The following EPHB6 variants were observed in gnomAD, a reference collection of about 807,000 sequenced individuals.
EPHB6 encodes ephrin type-B receptor 6.
In EPHB6, 51 loss-of-function variants were observed where a neutral mutation model predicts 107.0. The observed-to-expected ratio is 0.48, with a 90% confidence interval of 0.38 to 0.60. The LOEUF is 0.60. Among genes scored for constraint, EPHB6 ranks in the 20% least tolerant of loss-of-function variants. EPHB6 has a pLI of 0.00. For synonymous variants in EPHB6, 553 were observed against 549.0 expected, an observed-to-expected ratio of 1.01 and a Z score of -0.10; for missense variants, 1,141 against 1,355.5, an observed-to-expected ratio of 0.84 and a Z score of 2.48.
rs551710238 is a variant in EPHB6, at chr7:142,870,874, C to T, written c.3039C>T (p.His1013=). The T allele has an allele frequency of 1.9e-6, 3 of 1,613,984 alleles. No individual in the cohort carries two copies. In the Admixed American group the frequency reaches 5.0e-5, roughly 27 times the overall value. Residue 1013 remains histidine, a synonymous_variant, in exon 20 of 20, where the codon CAC becomes CAT. Transcript: ENST00000652003. The stretch of plus-strand genomic sequence containing the variant: ...ACCACATCCAGCTCCTTCAGCAACA[C>T]CTGAGGCAGCAGGGCTCAGTGGAGG... ...LLHHIQLLQQ[H]LRQQGSVEV
rs999522379 is a variant in EPHB6 at position 142,868,391 on chromosome 7, G to A, written c.2038+31G>A. On this transcript the variant is annotated intron_variant, in intron 14 of 19. Transcript: ENST00000652003. This position sits in a 1 kb window ranked among gnomAD's most constrained non-coding sequence, Gnocchi z 4.2. The stretch of plus-strand genomic sequence containing the variant: ...GCAGGGCCAAAGCAGGGATCAGAGC[G>A]ACGGGGCTCCCTTGTGGCCTCCGCT... 53 of 1,613,840 alleles carry A rather than the reference G, an allele frequency of 3.3e-5. No homozygotes were observed. The Admixed American group carries it at 4.3e-4, about 13-fold the overall frequency.
chr7:142,856,448 A>G (rs990644994), intron 1 of EPHB6, among the ~76,000 whole-genome samples: 5 of 152,152 alleles, frequency 3.3e-5, no homozygotes, highest in Admixed American at 2.0e-4. Context: ...TCAGGGTGCA[A>G]AAAGATGGTT....
intron 1 of EPHB6, among the ~76,000 whole-genome samples, chr7:142,858,129 A>G (rs1005651252): frequency 1.2e-4 from 18 of 152,214 alleles, no homozygotes; most frequent in African/African-American, 3.9e-4. Flanking sequence ...GTAACAAGAA[A>G]AATAATTGAA....
Position 142,867,682 on chromosome 7 carries a change from C to A in EPHB6, c.1825C>A (p.Leu609Met), listed in dbSNP as rs771247082. ...CATCCTGGGGGCTTTGGCCTTCCTCCTGCTGGCAGCCATCACCGTGCTGGC... is the reference window on the plus strand; with the variant it reads ...CATCCTGGGGGCTTTGGCCTTCCTCATGCTGGCAGCCATCACCGTGCTGGC... Reference protein sequence around the residue: ...GSILGALAFLLLAAITVLAVV... With the variant: ...GSILGALAFLMLAAITVLAVV... The change falls in exon 12 of 20, where the codon CTG becomes ATG. Residue 609 changes from leucine (L) to methionine (M), a missense_variant. Physicochemically the swap from Leu to Met is conservative, Grantham distance 15 (BLOSUM62 2). Around this residue, in one of 3 missense-constraint regions of EPHB6, gnomAD observed 616 missense variants for 759.3 expected, o/e 0.81. Coordinates refer to ENST00000652003, the MANE Select transcript of EPHB6 (RefSeq NM_004445.6). This position sits in a 1 kb window ranked among gnomAD's most constrained non-coding sequence, Gnocchi z 5.3. 1.9e-6 allele frequency: 3 copies of A among 1,613,366 alleles called. No homozygotes were observed.
rs773353549 is a variant in EPHB6, at chr7:142,868,645, A to G, written c.2192A>G (p.Asn731Ser). 7.4e-6 allele frequency: 12 copies of G among 1,613,844 alleles called. 1 individual carries two copies. In the South Asian group the frequency reaches 7.7e-5, roughly 10 times the overall value. The change falls in exon 15 of 20, where the codon AAC becomes AGC. Residue 731 changes from asparagine to serine, a missense_variant. Asn to Ser is a conservative substitution (Grantham distance 46). This residue lies in a region of EPHB6 where 616 missense variants were observed against 759.3 expected (regional missense o/e 0.81). Coordinates refer to ENST00000652003, the MANE Select transcript of EPHB6 (RefSeq NM_004445.6). The surrounding 1 kb of genome is among the most constrained non-coding windows in gnomAD (Gnocchi z 4.2). ...GTGCTGGGTCAGTTCCAGCACCCCA[A>G]CATCCTGCGGCTGGAGGGCGTGGTC... The part of the protein sequence containing the change: ...AAVLGQFQHP[N>S]ILRLEGVVTK...
In EPHB6 at chr7:142,867,812, A is replaced by C. The variant is rs1794685967; in HGVS notation, c.1865+90A>C. On this transcript the variant is annotated intron_variant, in intron 12 of 19. Coordinates refer to ENST00000652003, the MANE Select transcript of EPHB6 (RefSeq NM_004445.6). The surrounding 1 kb of genome is among the most constrained non-coding windows in gnomAD (Gnocchi z 5.3). ...TGCCAAGTCTGGAGCCCCCTGCAGA[A>C]ACCTCACACTGGTGCTCCTCCCGTC... The C allele has an allele frequency of 7.0e-7, 1 of 1,435,374 alleles. No homozygotes were observed. 88.9% of individuals were successfully genotyped at this position (1,435,374 alleles called of 1,614,324 possible).
In EPHB6 at chr7:142,866,623, G is replaced by C. The variant is rs758813553; in HGVS notation, c.1587+18G>C. The C allele has an allele frequency of 3.7e-6, 6 of 1,613,748 alleles. No individual in the cohort carries two copies. The highest frequency in any genetic ancestry group is 3.4e-6 in the Non-Finnish European group (4 of 1,180,020). On this transcript the variant is annotated intron_variant, in intron 10 of 19. Transcript: ENST00000652003. This position sits in a 1 kb window ranked among gnomAD's most constrained non-coding sequence, Gnocchi z 5.2. ...ATGACCAGGTGCGCAGGAGGAGTGG[G>C]GGTTCCGCAGTAGGGCTGGTAGGAG... is the stretch of plus-strand genomic sequence containing the variant.
chr7:142,863,531 C>G, intron 5 of EPHB6, 100 bp from the exon 6 acceptor site: 1 of 1,437,424 alleles, frequency 7.0e-7, no homozygotes, highest in South Asian at 1.1e-5. Context: ...AAGACATGGG[C>G]CCGGGTGGGG....
chr7:142,870,496 G>A (rs375597018), intron 18 of EPHB6, 34 bp from the exon 19 acceptor site: 4 of 1,613,968 alleles, frequency 2.5e-6, no homozygotes, highest in Admixed American at 1.7e-5. Flanking sequence ...AGATGAAGAG[G>A]AGACCTTGAC....
In EPHB6 at chr7:142,869,059, C is replaced by T. The variant is rs979726320; in HGVS notation, c.2372C>T (p.Ala791Val). ...AAAMQYLSSF[A>V]FVHRSLSAHS... ...GCCATGCAGTACCTGTCCAGCTTTG[C>T]CTTCGTCCATCGCTCGCTGTCTGCC... is the stretch of plus-strand genomic sequence containing the variant. Residue 791 changes from alanine (A) to valine (V), a missense_variant, in exon 16 of 20, where the codon GCC becomes GTC. Physicochemically the swap from Ala to Val is moderately conservative, Grantham distance 64. Transcript: ENST00000652003. This position sits in a 1 kb window ranked among gnomAD's most constrained non-coding sequence, Gnocchi z 4.5. 1.2e-6 allele frequency: 2 copies of T among 1,613,472 alleles called. No homozygotes were observed. The highest frequency in any genetic ancestry group is 3.3e-5 in the Admixed American group (2 of 60,016).
rs1563345400 is a variant in EPHB6, at chr7:142,867,793, G to A, written c.1865+71G>A. On this transcript the variant is annotated intron_variant, in intron 12 of 19. Transcript: ENST00000652003. This position sits in a 1 kb window ranked among gnomAD's most constrained non-coding sequence, Gnocchi z 5.3. ...ACAGCCAAACCTCAAGTCCTGCCAA[G>A]TCTGGAGCCCCCTGCAGAAACCTCA... The A allele has an allele frequency of 1.3e-6, 2 of 1,491,522 alleles. No individual in the cohort carries two copies. Among genetic ancestry groups the A allele is most frequent in the East Asian group, 2.4e-5 (1 of 41,636 alleles). The allele number at this position is 1,491,522 out of a possible 1,614,324, so 92.4% of individuals were successfully genotyped here.
intron 1 of EPHB6, among the ~76,000 whole-genome samples, chr7:142,860,120 A>G (rs947820334): frequency 2.0e-5 from 3 of 152,224 alleles, no homozygotes; most frequent in African/African-American, 7.2e-5. Context: ...GTCTTTCAAA[A>G]TAATTCATTG....
Position 142,864,681 on chromosome 7 carries a change from T to C in EPHB6, c.881T>C (p.Met294Thr), listed in dbSNP as rs1563340462. 6.2e-7 allele frequency: 1 copy of C among 1,612,870 alleles called. No individual in the cohort carries two copies. Among genetic ancestry groups the C allele is most frequent in the Non-Finnish European group, 8.5e-7 (1 of 1,179,962 alleles). Residue 294 changes from methionine to threonine, a missense_variant, in exon 7 of 20, where the codon ATG becomes ACG. Met to Thr is a moderately conservative substitution (Grantham distance 81). Coordinates refer to ENST00000652003, the MANE Select transcript of EPHB6 (RefSeq NM_004445.6). ...CACTGCAACGGGGAGGGCAAGTGGATGGTAGCTGTCGGGGGCTGCCGCTGC... is the reference window on the plus strand; with the variant it reads ...CACTGCAACGGGGAGGGCAAGTGGACGGTAGCTGTCGGGGGCTGCCGCTGC... ...RLHCNGEGKW[M>T]VAVGGCRCQP...
Position 142,870,362 on chromosome 7 carries a change from T to C in EPHB6, c.2759T>C (p.Ile920Thr). Reference sequence around the variant, plus strand: ...CTGGTGGCTGCATTTGACAAGATGATCCGCAAGCCAGATACCCTGCAGGCT... The same window carrying C: ...CTGGTGGCTGCATTTGACAAGATGACCCGCAAGCCAGATACCCTGCAGGCT... ...DQLVAAFDKM[I>T]RKPDTLQAGG... The change falls in exon 18 of 20, where the codon ATC becomes ACC. Residue 920 changes from isoleucine to threonine, a missense_variant. Transcript: ENST00000652003. 4 of 1,614,134 alleles carry C rather than the reference T, an allele frequency of 2.5e-6. No individual in the cohort carries two copies. The highest frequency in any genetic ancestry group is 3.4e-6 in the Non-Finnish European group (4 of 1,180,030).
rs535081114 is a variant in EPHB6, at chr7:142,867,449, C to T, written c.1751-159C>T. The T allele has an allele frequency of 1.2e-5, 8 of 687,558 alleles. No individual in the cohort carries two copies. The highest frequency in any genetic ancestry group is 2.7e-5 in the East Asian group (1 of 36,552). The allele number at this position is 687,558 out of a possible 1,614,324, so 42.6% of individuals were successfully genotyped here. On this transcript the variant is annotated intron_variant, in intron 11 of 19. Transcript: ENST00000652003. This position sits in a 1 kb window ranked among gnomAD's most constrained non-coding sequence, Gnocchi z 5.3. ...TGTGTGGATGTGGGAGGGCTGTGGG[C>T]GTGTGTGTGTGTTGTGTGTCCCTGT...
Position 142,866,355 on chromosome 7 carries a change from C to G in EPHB6, c.1462+39C>G. 1 of 1,612,320 alleles carries G rather than the reference C, an allele frequency of 6.2e-7. No individual in the cohort carries two copies. The highest frequency in any genetic ancestry group is 8.5e-7 in the Non-Finnish European group (1 of 1,179,336). On this transcript the variant is annotated intron_variant, in intron 9 of 19. Coordinates refer to ENST00000652003, the MANE Select transcript of EPHB6 (RefSeq NM_004445.6). The surrounding 1 kb of genome is among the most constrained non-coding windows in gnomAD (Gnocchi z 5.2). ...CTTGGCCTTCAGGATCCCCTGCCTC[C>G]GCTCCTTTGAGCCCCCTTCCCTACT...
At position 142,863,688 on chromosome 7, in the gene EPHB6, CA is replaced by C. The variant is rs748060252; in HGVS notation, c.159del (p.Trp56GlyfsTer4). 16 of 1,613,602 alleles carry C rather than the reference CA, an allele frequency of 9.9e-6. No individual in the cohort carries two copies. Among genetic ancestry groups the C allele is most frequent in the Admixed American group, 3.3e-5 (2 of 59,990 alleles). ...TSEIGWLTYP[P>X]GGWDEVSVLD... is the part of the protein sequence containing the mutation. ...GAGATTGGCTGGCTCACCTACCCAC[CA>C]GGGGGGGTGAGTGCCACTCTAATTC... is the stretch of plus-strand genomic sequence containing the variant. On this transcript the variant is annotated frameshift_variant, in exon 6 of 20. Coordinates refer to ENST00000652003, the MANE Select transcript of EPHB6 (RefSeq NM_004445.6). LOFTEE classifies it high-confidence loss of function.
rs2116416097 is a variant in EPHB6, at chr7:142,864,110, C to T, written c.310C>T (p.His104Tyr). 6.2e-7 allele frequency: 1 copy of T among 1,614,022 alleles called. No homozygotes were observed. The highest frequency in any genetic ancestry group is 8.5e-7 in the Non-Finnish European group (1 of 1,180,042). Residue 104 changes from histidine (H) to tyrosine (Y), a missense_variant, in exon 7 of 20, where the codon CAC (histidine) becomes TAC (tyrosine). Transcript: ENST00000652003. ...GGAGCGGCGCGGGGCCCAGAGGGCG[C>T]ACATTCGACTCCACTTCTCTGTGCG... is the stretch of plus-strand genomic sequence containing the variant. ...FVERRGAQRA[H>Y]IRLHFSVRAC...
In EPHB6 at chr7:142,866,635, A is replaced by G. The variant is rs757560163; in HGVS notation, c.1587+30A>G. 6.2e-7 allele frequency: 1 copy of G among 1,613,654 alleles called. No individual in the cohort carries two copies. The highest frequency in any genetic ancestry group is 1.1e-5 in the South Asian group (1 of 91,068). Reference sequence around the variant, plus strand: ...GCAGGAGGAGTGGGGGTTCCGCAGTAGGGCTGGTAGGAGCTCATAGGCCTC... The same window carrying G: ...GCAGGAGGAGTGGGGGTTCCGCAGTGGGGCTGGTAGGAGCTCATAGGCCTC... On this transcript the variant is annotated intron_variant, in intron 10 of 19. Transcript: ENST00000652003. This position sits in a 1 kb window ranked among gnomAD's most constrained non-coding sequence, Gnocchi z 5.2.
Sources: gnomAD v4.1 joint callset for allele counts (sites outside exome capture counted in the v4.1 genomes callset) on GRCh38, gnomAD v4.1.1 for gene constraint, gnomAD v4.1.1 regional missense constraint, Gnocchi (gnomAD v3.1) non-coding constraint, MANE v1.5 for transcripts, NCBI Gene and HGNC (gene_info 2026-07-23, HGNC 2026-07-21) for gene names.